PLPPR1: variants seen among roughly 807,000 people sequenced by gnomAD.
The protein encoded by PLPPR1 is phospholipid phosphatase-related protein type 1.
A neutral mutation model predicts 33.1 loss-of-function variants in PLPPR1; 10 were observed. That is an observed-to-expected ratio of 0.30 (90% CI 0.19 to 0.51). The LOEUF is 0.51. Among genes scored for constraint, PLPPR1 ranks in the 20% least tolerant of loss-of-function variants. PLPPR1 has a pLI of 0.97. For synonymous variants in PLPPR1, 151 were observed against 151.0 expected (o/e 1.00, Z 0.00); for missense variants, 304 against 408.1 (o/e 0.74, Z 2.20).
chr9:101,289,124 C>T (rs1828448176), intron 4 of PLPPR1, among the ~76,000 whole-genome samples: 1 of 152,168 alleles, frequency 6.6e-6, no homozygotes, highest in African/African-American at 2.4e-5. Flanking sequence ...AGTGTGACAC[C>T]TTGCCTCAGT....
chr9:101,154,178 T>G (rs1350286119), intron 1 of PLPPR1, among the ~76,000 whole-genome samples: 3 of 152,198 alleles, frequency 2.0e-5, no homozygotes, highest in Non-Finnish European at 2.9e-5. Flanking sequence ...TCTCTTTTTT[T>G]GTTGTGTCTC....
chr9:101,315,376 G>A (rs1829033598), intron 6 of PLPPR1, among the ~76,000 whole-genome samples: 1 of 152,156 alleles, frequency 6.6e-6, no homozygotes, highest in Non-Finnish European at 1.5e-5. Flanking sequence ...GACAAACAAT[G>A]TTGCTGACCA....
intron 1 of PLPPR1, among the ~76,000 whole-genome samples, chr9:101,118,867 T>C (rs1382723008): frequency 6.6e-6 from 1 of 150,872 alleles, no homozygotes; most frequent in African/African-American, 2.4e-5. Context: ...GCAGACCCTA[T>C]GTCTTTGACT....
intron 2 of PLPPR1, among the ~76,000 whole-genome samples, chr9:101,197,269 T>A (rs562126405): frequency 6.6e-6 from 1 of 152,280 alleles, no homozygotes; most frequent in African/African-American, 2.4e-5. Flanking sequence ...ACAGGAAGTA[T>A]GCTAATATTG....
At chr9:101,266,593 C>T (rs2118889260) in intron 2 of PLPPR1, among the ~76,000 whole-genome samples, 1 of 152,188 alleles carries the variant, frequency 6.6e-6, no homozygotes, top group South Asian at 2.1e-4. Flanking sequence ...GTTCTCTGTT[C>T]TTTATGTCCT....
At chr9:101,307,992 G>A (rs1828885509) in intron 4 of PLPPR1, among the ~76,000 whole-genome samples, 1 of 152,208 alleles carries the variant, frequency 6.6e-6, no homozygotes, top group South Asian at 2.1e-4. Flanking sequence ...ACCTCTGCAT[G>A]TTCAAGCTTG....
At chr9:101,218,915 C>T (rs772029522) in intron 2 of PLPPR1, among the ~76,000 whole-genome samples, 2 of 152,092 alleles carry the variant, frequency 1.3e-5, no homozygotes, top group Non-Finnish European at 2.9e-5. Context: ...TTAAAATGAG[C>T]ACAGGGAAAA....
intron 2 of PLPPR1, among the ~76,000 whole-genome samples, chr9:101,263,754 T>G (rs1827939899): frequency 6.6e-6 from 1 of 152,212 alleles, no homozygotes; most frequent in Non-Finnish European, 1.5e-5. Context: ...TGTGCCTGTT[T>G]CCTCAAATGT....
chr9:101,166,403 CA>C (rs1825859118), intron 1 of PLPPR1, among the ~76,000 whole-genome samples: 1 of 152,042 alleles, frequency 6.6e-6, no homozygotes, highest in African/African-American at 2.4e-5. Flanking sequence ...ATCATCTTTC[CA>C]AAAGACACTT....
intron 1 of PLPPR1, among the ~76,000 whole-genome samples, chr9:101,109,245 A>G (rs1831020242): frequency 6.9e-6 from 1 of 145,480 alleles, no homozygotes; most frequent in Admixed American, 7.2e-5. Context: ...AAGTGCTGGG[A>G]TTACAGGTGT....
intron 1 of PLPPR1, among the ~76,000 whole-genome samples, chr9:101,086,726 T>C (rs1245280755): frequency 3.3e-5 from 5 of 152,168 alleles, no homozygotes; most frequent in Non-Finnish European, 7.4e-5. Flanking sequence ...ATATACAAAA[T>C]CTGTATAGTA....
chr9:101,254,736 T>C (rs961325138), intron 2 of PLPPR1, among the ~76,000 whole-genome samples: 1 of 152,108 alleles, frequency 6.6e-6, no homozygotes. Context: ...TTTATGAAAA[T>C]CCAATACATT....
At chr9:101,291,488 C>T (rs1290070384) in intron 4 of PLPPR1, among the ~76,000 whole-genome samples, 1 of 152,226 alleles carries the variant, frequency 6.6e-6, no homozygotes, top group Non-Finnish European at 1.5e-5. Context: ...ACTGCCTCCT[C>T]AAGTGGGTCC....
intron 1 of PLPPR1, among the ~76,000 whole-genome samples, chr9:101,102,395 G>A (rs1035071327): frequency 1.3e-5 from 1 of 79,476 alleles, no homozygotes; most frequent in African/African-American, 5.8e-5. Flanking sequence ...AATATGCGGT[G>A]TTTGGTTTTT....
At chr9:101,045,277 T>C (rs968664517) in intron 1 of PLPPR1, among the ~76,000 whole-genome samples, 1 of 152,252 alleles carries the variant, frequency 6.6e-6, no homozygotes, top group Admixed American at 6.5e-5. Flanking sequence ...AGATAGAATC[T>C]GAACAGGCTG....
At chr9:101,037,263 A>T (rs570939506) in intron 1 of PLPPR1, among the ~76,000 whole-genome samples, 2 of 152,170 alleles carry the variant, frequency 1.3e-5, no homozygotes, top group Non-Finnish European at 2.9e-5. Flanking sequence ...TTTACATGAC[A>T]TGATAGTCCA....
At chr9:101,168,895 C>G (rs1825898879) in intron 1 of PLPPR1, among the ~76,000 whole-genome samples, 1 of 151,994 alleles carries the variant, frequency 6.6e-6, no homozygotes, top group South Asian at 2.1e-4. Context: ...ACAAAACAAT[C>G]CTTGACCTTT....
intron 2 of PLPPR1, among the ~76,000 whole-genome samples, chr9:101,248,804 T>G (rs1471790101): frequency 6.6e-6 from 1 of 152,062 alleles, no homozygotes. Context: ...AAGTGAAACT[T>G]TAAATTACTC....
intron 1 of PLPPR1, among the ~76,000 whole-genome samples, chr9:101,137,798 G>T (rs1588043403): frequency 6.6e-6 from 1 of 152,150 alleles, no homozygotes; most frequent in East Asian, 1.9e-4. Flanking sequence ...ATGTATTAGG[G>T]TTTACAAATT....
Sources: gnomAD v4.1 joint callset for allele counts (sites outside exome capture counted in the v4.1 genomes callset) on GRCh38, gnomAD v4.1.1 for gene constraint, MANE v1.5 for transcripts, NCBI Gene and HGNC (gene_info 2026-07-23, HGNC 2026-07-21) for gene names.